COL4A3: variants seen among roughly 807,000 people sequenced by gnomAD.
The protein encoded by COL4A3 is collagen type IV alpha 3 chain.
Under a neutral mutation model 217.4 loss-of-function variants are expected in COL4A3, and 135 were observed. The observed-to-expected ratio is 0.62, with a 90% CI of 0.54 to 0.72. The LOEUF is 0.72. Ranked by LOEUF, COL4A3 falls within the 30% of genes least tolerant of loss-of-function variation. The pLI, the probability that COL4A3 is intolerant of heterozygous loss-of-function variation, is 0.00. For synonymous variants in COL4A3, 690 were observed against 736.3 expected (o/e 0.94, Z 1.02); for missense variants, 1,868 against 2,119.9 (o/e 0.88, Z 2.33).
At chr2:227,271,770 A>C (rs10190396) in intron 25 of COL4A3, among the ~76,000 whole-genome samples, 83,852 of 151,868 alleles carry the variant, frequency 0.55, 23,336 homozygotes, top group South Asian at 0.61. Context: ...CTGCACCCAG[A>C]CCTAAGATTT....
chr2:227,265,644 A>T (rs1345574647), intron 21 of COL4A3, among the ~76,000 whole-genome samples: 1 of 152,172 alleles, frequency 6.6e-6, no homozygotes, highest in Non-Finnish European at 1.5e-5. Flanking sequence ...GTCAGAATCC[A>T]TTTTTCTTTT....
At chr2:227,193,003 GCTTA>G (rs1210668861) in intron 1 of COL4A3, among the ~76,000 whole-genome samples, 1 of 152,004 alleles carries the variant, frequency 6.6e-6, no homozygotes, top group Non-Finnish European at 1.5e-5. Flanking sequence ...CTTTCTAAAT[GCTTA>G]CTTTCAATTT....
intron 43 of COL4A3, among the ~76,000 whole-genome samples, chr2:227,299,743 GA>G (rs1189975070): frequency 6.6e-6 from 1 of 152,194 alleles, no homozygotes; most frequent in East Asian, 1.9e-4. Context: ...AAAATCTTCA[GA>G]GTTGGAATGA....
chr2:227,169,260 T>C (rs2065391612), intron 1 of COL4A3: 1 of 151,466 alleles, frequency 6.6e-6, no homozygotes, highest in Admixed American at 6.6e-5. Flanking sequence ...ATGGTGTATA[T>C]GTGCCACATT....
chr2:227,178,136 A>G (rs1379923162), intron 1 of COL4A3, among the ~76,000 whole-genome samples: 1 of 152,194 alleles, frequency 6.6e-6, no homozygotes, highest in Non-Finnish European at 1.5e-5. Context: ...GCACTTTGGG[A>G]GGCCAGGGCA....
chr2:227,238,277 C>T (rs1385989093), intron 2 of COL4A3: 2 of 323,268 alleles, frequency 6.2e-6, no homozygotes, highest in East Asian at 1.3e-4. Context: ...GAATAAGTAG[C>T]AAATGAGAAA....
chr2:227,171,930 C>G (rs1006053326), intron 1 of COL4A3, among the ~76,000 whole-genome samples: 1 of 152,190 alleles, frequency 6.6e-6, no homozygotes, highest in Admixed American at 6.5e-5. Flanking sequence ...GGTCTAGGGT[C>G]CCTTCTCTCC....
chr2:227,223,562 C>A (rs978717418), intron 1 of COL4A3, among the ~76,000 whole-genome samples: 1 of 117,568 alleles, frequency 8.5e-6, no homozygotes, highest in Non-Finnish European at 2.1e-5. Flanking sequence ...GGTGAGACGC[C>A]CCCCCAACTC....
Position 227,309,060 on chromosome 2 carries a change from G to T in COL4A3, c.4624G>T (p.Glu1542Ter). The T allele has an allele frequency of 6.2e-7, 1 of 1,614,176 alleles. No individual in the cohort carries two copies. The highest frequency in any genetic ancestry group is 8.5e-7 in the Non-Finnish European group (1 of 1,180,030). ...GGCTCCCATTACTGGCAGAGCCCTT[G>T]AGCCTTATATAAGCAGGTAAAAATC... Reference protein sequence around the residue: ...NMAPITGRALEPYISRCTVCE... With the variant: ...NMAPITGRAL Residue 1542 changes from glutamate to a stop codon, truncating the protein, a stop_gained, in exon 49 of 52, where the codon GAG (glutamate) becomes TAG (stop). Coordinates refer to ENST00000396578, the MANE Select transcript of COL4A3 (RefSeq NM_000091.5). LOFTEE classifies it high-confidence loss of function.
At chr2:227,275,737 G>T (rs1418304302) in intron 26 of COL4A3, among the ~76,000 whole-genome samples, 2 of 152,138 alleles carry the variant, frequency 1.3e-5, no homozygotes, top group Admixed American at 1.3e-4. Flanking sequence ...GTTAAGAAAA[G>T]TGTCCAGGTT....
chr2:227,288,990 G>T (rs1193471880), intron 34 of COL4A3, among the ~76,000 whole-genome samples, 160 bp from the exon 35 acceptor site: 2 of 136,814 alleles, frequency 1.5e-5, no homozygotes, highest in African/African-American at 2.8e-5. Flanking sequence ...TCGTTCTGTC[G>T]CCCACGCTGG....
chr2:227,248,936 T>A (rs1031161058), intron 9 of COL4A3, among the ~76,000 whole-genome samples: 4 of 151,894 alleles, frequency 2.6e-5, no homozygotes, highest in African/African-American at 9.7e-5. Flanking sequence ...TAATGATAAA[T>A]AAAAGGTTTT....
chr2:227,191,753 T>C lies in COL4A3; in HGVS notation c.87+26940T>C, dbSNP rs1012637106. 1.3e-5 allele frequency among the ~76,000 whole-genome samples: 2 copies of C among 152,270 alleles called. No individual in the cohort carries two copies. The highest frequency in any genetic ancestry group is 4.8e-5 in the African/African-American group (2 of 41,482). On this transcript the variant is annotated intron_variant, in intron 1 of 51. Coordinates refer to ENST00000396578, the MANE Select transcript of COL4A3 (RefSeq NM_000091.5). The surrounding 1 kb of genome is among the most constrained non-coding windows in gnomAD (Gnocchi z 6.8). ...GTTACCTTAAATGAAAATCATTTTC[T>C]TATTTTTGTAATTATGAAGGCTAAA...
chr2:227,169,508 C>G (rs1166563780), intron 1 of COL4A3, among the ~76,000 whole-genome samples: 3 of 151,644 alleles, frequency 2.0e-5, no homozygotes, highest in East Asian at 1.9e-4. Flanking sequence ...GTCCCACCAA[C>G]AGTGTAAAAG....
intron 1 of COL4A3, among the ~76,000 whole-genome samples, chr2:227,207,933 TG>T (rs975081110): frequency 2.0e-5 from 3 of 151,790 alleles, no homozygotes; most frequent in African/African-American, 7.3e-5. Flanking sequence ...TAGGGAGAAA[TG>T]GAGAAAAGAG....
intron 1 of COL4A3, among the ~76,000 whole-genome samples, chr2:227,208,765 TACAC>T (rs60244094): frequency 0.044 from 6,025 of 138,456 alleles, 186 homozygotes; most frequent in Admixed American, 0.11. Context: ...GGCGGTTGGT[TACAC>T]ACACACACAC....
Position 227,251,137 on chromosome 2 carries a change from A to G in COL4A3, c.547-3A>G. 1 of 1,610,598 alleles carries G rather than the reference A, an allele frequency of 6.2e-7. No individual in the cohort carries two copies. The highest frequency in any genetic ancestry group is 1.1e-5 in the South Asian group (1 of 91,002). ...TTACTCTTATTCTTCTCTCAATTTC[A>G]AGGGTTTGCCAGGCCCTCCAGGTTT... On this transcript the variant is annotated splice_region_variant and splice_polypyrimidine_tract_variant and intron_variant, in intron 9 of 51. Coordinates refer to ENST00000396578, the MANE Select transcript of COL4A3 (RefSeq NM_000091.5).
intron 1 of COL4A3, among the ~76,000 whole-genome samples, chr2:227,188,667 T>C (rs1263920840): frequency 6.6e-6 from 1 of 152,220 alleles, no homozygotes; most frequent in Non-Finnish European, 1.5e-5. Context: ...ACTTTCTGAA[T>C]TAGACACACA....
At chr2:227,286,698 G>A (rs1472985436) in intron 34 of COL4A3, among the ~76,000 whole-genome samples, 2 of 152,176 alleles carry the variant, frequency 1.3e-5, no homozygotes, top group Non-Finnish European at 2.9e-5. Context: ...CAGCAACTAA[G>A]ATAGTCAGTG....
Sources: gnomAD v4.1 joint callset for allele counts (sites outside exome capture counted in the v4.1 genomes callset) on GRCh38, gnomAD v4.1.1 for gene constraint, Gnocchi (gnomAD v3.1) non-coding constraint, MANE v1.5 for transcripts, NCBI Gene and HGNC (gene_info 2026-07-23, HGNC 2026-07-21) for gene names.